The following SCIMP variants were observed in gnomAD, a reference collection of about 807,000 sequenced individuals.
The protein encoded by SCIMP is SLP adapter and CSK-interacting membrane protein.
SCIMP carries 18 observed loss-of-function variants against 22.0 expected under a neutral mutation model. The ratio of observed to expected loss-of-function variants is 0.82; its 90% CI spans 0.56 to 1.21. The LOEUF (loss-of-function observed/expected upper bound fraction) is 1.21, where lower values mean the gene tolerates loss of function less well. Ranked by LOEUF, SCIMP falls within the 50% of genes most tolerant of loss-of-function variation. The probability of loss-of-function intolerance (pLI) is 0.00; values close to 1 mark genes in which losing one functional copy is unlikely to be tolerated. For synonymous variants in SCIMP, 53 were observed against 62.2 expected, an observed-to-expected ratio of 0.85 and a Z score of 0.70; for missense variants, 155 against 171.2, an observed-to-expected ratio of 0.91 and a Z score of 0.53.
rs936667297 is a variant in SCIMP at position 5,221,413 on chromosome 17, A to T, written c.146-63T>A. ...GCAAAAGTTGTGATTTTTTAATTTA[A>T]CCCAGAGAAAACACACTTAGGGACA... On this transcript the variant is annotated intron_variant, in intron 2 of 4. Transcript: ENST00000574081. 4.7e-6 allele frequency: 6 copies of T among 1,288,650 alleles called. No individual in the cohort carries two copies. In the African/African-American group the frequency reaches 8.7e-5, roughly 19 times the overall value. 79.8% of individuals were successfully genotyped at this position (1,288,650 alleles called of 1,614,324 possible).
intron 1 of SCIMP, among the ~76,000 whole-genome samples, chr17:5,232,025 C>CA (rs1188955834): frequency 1.3e-5 from 2 of 151,774 alleles, no homozygotes; most frequent in African/African-American, 4.8e-5. Flanking sequence ...CACTGCACTC[C>CA]AGCCTGGGCG....
At chr17:5,228,750 T>A (rs2144342820) in intron 1 of SCIMP, among the ~76,000 whole-genome samples, 1 of 152,306 alleles carries the variant, frequency 6.6e-6, no homozygotes, top group Non-Finnish European at 1.5e-5. Context: ...TTGTTCCTTG[T>A]CTGTCTCCCA....
chr17:5,221,070 A>G (rs1215723679), intron 3 of SCIMP: 138 of 635,894 alleles, frequency 2.2e-4, no homozygotes, highest in Middle Eastern at 7.5e-4. Context: ...AAAAAAAAAA[A>G]AGAGAGAGAG....
intron 4 of SCIMP, among the ~76,000 whole-genome samples, chr17:5,212,659 A>G (rs994081741): frequency 1.3e-5 from 2 of 152,216 alleles, no homozygotes; most frequent in African/African-American, 4.8e-5. Context: ...AAAAAAATGT[A>G]CCTGGCTTGT....
chr17:5,215,138 C>T, intron 3 of SCIMP, 140 bp from the exon 4 acceptor site: 1 of 603,282 alleles, frequency 1.7e-6, no homozygotes, highest in Non-Finnish European at 3.0e-6. Flanking sequence ...CATTTCCTTT[C>T]CTTTGTAGGT....
chr17:5,233,475 C>T (rs1048859457), intron 1 of SCIMP, among the ~76,000 whole-genome samples: 35 of 152,270 alleles, frequency 2.3e-4, no homozygotes, highest in Admixed American at 5.9e-4. Context: ...CGGGCTCAAA[C>T]GATTCTCCTG....
chr17:5,232,617 G>C (rs188691797), intron 1 of SCIMP, among the ~76,000 whole-genome samples: 193 of 152,232 alleles, frequency 1.3e-3, no homozygotes, highest in African/African-American at 4.3e-3. Flanking sequence ...AGAACATTTA[G>C]GCCGGTTGGC....
intron 1 of SCIMP, among the ~76,000 whole-genome samples, chr17:5,223,994 T>C (rs571431560): frequency 6.6e-5 from 10 of 152,322 alleles, no homozygotes; most frequent in East Asian, 1.9e-4. Flanking sequence ...GGGAATGATA[T>C]CTCCTACTTC....
intron 1 of SCIMP, among the ~76,000 whole-genome samples, chr17:5,231,891 T>TA (rs746329722): frequency 6.6e-6 from 1 of 151,650 alleles, no homozygotes; most frequent in Non-Finnish European, 1.5e-5. Context: ...TGTCTCTACT[T>TA]AAAAAATACA....
At chr17:5,211,595 C>T (rs1433803317) in intron 4 of SCIMP, among the ~76,000 whole-genome samples, 1 of 151,812 alleles carries the variant, frequency 6.6e-6, no homozygotes, top group African/African-American at 2.4e-5. Context: ...TGTTGTGTTA[C>T]AGATCCTAAT....
rs534096881 is a variant in SCIMP at position 5,210,265 on chromosome 17, C to G, written c.*536G>C. On this transcript the variant is annotated 3_prime_UTR_variant, in exon 5 of 5. Coordinates refer to ENST00000574081, the MANE Select transcript of SCIMP (RefSeq NM_207103.3). ...GGTACTCCCTGCCCTTGCAAACTCG[C>G]GAGATGTGGTGTGGGAACCTGGGCA... The G allele has an allele frequency of 1.3e-5, 2 of 152,458 alleles. No homozygotes were observed. The highest frequency in any genetic ancestry group is 2.1e-4 in the South Asian group (1 of 4,832). The allele number at this position is 152,458 out of a possible 1,614,324, so 9.4% of individuals were successfully genotyped here.
At chr17:5,216,570 G>A (rs1451904824) in intron 3 of SCIMP, among the ~76,000 whole-genome samples, 1 of 152,120 alleles carries the variant, frequency 6.6e-6, no homozygotes, top group African/African-American at 2.4e-5. Flanking sequence ...GGAGGCTGAG[G>A]CAGAAGAATT....
Position 5,217,222 on chromosome 17 carries a change from A to G in SCIMP, c.210-2224T>C, listed in dbSNP as rs2074571323. Among the ~76,000 whole-genome samples the G allele has an allele frequency of 5.3e-5, 8 of 152,132 alleles. No individual in the cohort carries two copies. In the South Asian group the frequency reaches 1.7e-3, roughly 32 times the overall value. The stretch of plus-strand genomic sequence containing the variant: ...CACAAATCCTGCTCTGGTCTTTGCC[A>G]TTCAGAAAAAGGGGTCTACTCGGTG... On this transcript the variant is annotated intron_variant, in intron 3 of 4. Transcript: ENST00000574081.
At chr17:5,212,085 A>G (rs1488341693) in intron 4 of SCIMP, among the ~76,000 whole-genome samples, 3 of 152,062 alleles carry the variant, frequency 2.0e-5, no homozygotes, top group African/African-American at 7.2e-5. Context: ...GAAACAAAAA[A>G]CAAACAAAAA....
At chr17:5,211,040 G>A (rs1035981053) in intron 4 of SCIMP, 85 bp from the exon 5 acceptor site, 27 of 1,511,560 alleles carry the variant, frequency 1.8e-5, no homozygotes, top group Middle Eastern at 1.8e-4. Context: ...TGATTTTCAC[G>A]TTTCAGTGAT....
intron 1 of SCIMP, among the ~76,000 whole-genome samples, chr17:5,229,683 A>T (rs1380651598): frequency 6.6e-6 from 1 of 152,070 alleles, no homozygotes; most frequent in Non-Finnish European, 1.5e-5. Flanking sequence ...GGCATGAGCC[A>T]CTGCGTCCGG....
intron 3 of SCIMP, among the ~76,000 whole-genome samples, chr17:5,215,544 G>A (rs539054134): frequency 6.6e-6 from 1 of 152,126 alleles, no homozygotes; most frequent in South Asian, 2.1e-4. Flanking sequence ...AACTTCGGAG[G>A]CGGAGGTTGC....
chr17:5,226,809 G>A (rs962530537), intron 1 of SCIMP, among the ~76,000 whole-genome samples: 5 of 151,516 alleles, frequency 3.3e-5, no homozygotes, highest in African/African-American at 4.9e-5. Context: ...ACGCCCGGCC[G>A]ACACATTTTT....
At chr17:5,231,697 T>A (rs2074695604) in intron 1 of SCIMP, among the ~76,000 whole-genome samples, 1 of 152,184 alleles carries the variant, frequency 6.6e-6, no homozygotes, top group Non-Finnish European at 1.5e-5. Context: ...GAAGTGGGTT[T>A]GAGACCTGTT....
Sources: gnomAD v4.1 joint callset for allele counts (sites outside exome capture counted in the v4.1 genomes callset) on GRCh38, gnomAD v4.1.1 for gene constraint, MANE v1.5 for transcripts, NCBI Gene and HGNC (gene_info 2026-07-23, HGNC 2026-07-21) for gene names.